The following ADGRL2 variants were observed in gnomAD, a reference collection of about 807,000 sequenced individuals.
The protein encoded by ADGRL2 is calcium-independent alpha-latrotoxin receptor 2.
ADGRL2 carries 44 observed loss-of-function variants against 157.4 expected under a neutral mutation model. That is an observed-to-expected ratio of 0.28 (90% CI 0.22 to 0.36). ADGRL2 has a LOEUF of 0.36. Among genes scored for constraint, ADGRL2 ranks in the 10% least tolerant of loss-of-function variants. ADGRL2 has a pLI of 1.00. For missense variants in ADGRL2, 1,510 were observed against 1,768.9 expected (o/e 0.85, Z 2.63); for synonymous variants, 585 against 624.7 (o/e 0.94, Z 0.95).
At chr1:81,603,018 G>C (rs1353174868) in intron 3 of ADGRL2, among the ~76,000 whole-genome samples, 1 of 152,118 alleles carries the variant, frequency 6.6e-6, no homozygotes, top group Non-Finnish European at 1.5e-5. Context: ...GATGGTAGAA[G>C]GTCAATGACT....
chr1:81,781,803 T>C (rs564341599), intron 2 of ADGRL2, among the ~76,000 whole-genome samples: 11 of 152,302 alleles, frequency 7.2e-5, no homozygotes, highest in African/African-American at 1.9e-4. Context: ...ACTGCCAGCA[T>C]TGAAAGACAC....
intron 3 of ADGRL2, among the ~76,000 whole-genome samples, chr1:81,616,977 C>T (rs1451886751): frequency 2.6e-5 from 4 of 152,138 alleles, no homozygotes; most frequent in African/African-American, 7.2e-5. Flanking sequence ...TGCGCCCAGC[C>T]GAGTTCTAGT....
At chr1:81,675,197 T>C (rs928645921) in intron 3 of ADGRL2, among the ~76,000 whole-genome samples, 6 of 152,198 alleles carry the variant, frequency 3.9e-5, no homozygotes, top group Non-Finnish European at 8.8e-5. Flanking sequence ...TTCCATCTAA[T>C]AGCCTGTTAC....
chr1:81,340,783 T>C (rs1176074935), intron 1 of ADGRL2, among the ~76,000 whole-genome samples: 3 of 151,900 alleles, frequency 2.0e-5, no homozygotes, highest in African/African-American at 7.3e-5. Context: ...TGCTCCAGTG[T>C]GAGTTAGTCT....
chr1:81,915,234 C>T (rs1264560598), intron 3 of ADGRL2, among the ~76,000 whole-genome samples: 1 of 152,054 alleles, frequency 6.6e-6, no homozygotes, highest in Non-Finnish European at 1.5e-5. Flanking sequence ...TGCCACCACA[C>T]CCAGCTAATT....
In ADGRL2 at chr1:81,968,092, T is replaced by C; in HGVS notation, c.2416T>C (p.Trp806Arg). 1 of 1,613,892 alleles carries C rather than the reference T, an allele frequency of 6.2e-7. No individual in the cohort carries two copies. Among genetic ancestry groups the C allele is most frequent in the Non-Finnish European group, 8.5e-7 (1 of 1,179,756 alleles). Reference protein sequence around the residue: ...NYSERTMMGYWSTQGCKLVDT... With the variant: ...NYSERTMMGYRSTQGCKLVDT... ...CTCAGAGAGAACTATGATGGGATATTGGTCTACCCAGGGCTGCAAGCTGGT... is the reference window on the plus strand; with the variant it reads ...CTCAGAGAGAACTATGATGGGATATCGGTCTACCCAGGGCTGCAAGCTGGT... Residue 806 changes from tryptophan to arginine, a missense_variant, in exon 14 of 24, where the codon TGG becomes CGG. Around this residue, in one of 4 missense-constraint regions of ADGRL2, gnomAD observed 497 missense variants for 627.2 expected, o/e 0.79. Transcript: ENST00000686636.
chr1:81,583,336 A>C (rs1238663088), intron 3 of ADGRL2, among the ~76,000 whole-genome samples: 1 of 152,142 alleles, frequency 6.6e-6, no homozygotes, highest in East Asian at 1.9e-4. Flanking sequence ...ATTTAATATA[A>C]CTTTTATACT....
intron 3 of ADGRL2, among the ~76,000 whole-genome samples, chr1:81,598,392 C>G (rs1047590730): frequency 6.6e-6 from 1 of 151,966 alleles, no homozygotes; most frequent in East Asian, 1.9e-4. Context: ...ATATATTAAG[C>G]GTGAAAAAAA....
intron 3 of ADGRL2, among the ~76,000 whole-genome samples, chr1:81,617,507 A>G (rs2081685259): frequency 6.6e-6 from 1 of 152,246 alleles, no homozygotes; most frequent in Admixed American, 6.5e-5. Flanking sequence ...AATTGCCAGC[A>G]GAGCTGCTTT....
At chr1:81,784,501 A>G (rs2086945959) in intron 2 of ADGRL2, among the ~76,000 whole-genome samples, 1 of 152,076 alleles carries the variant, frequency 6.6e-6, no homozygotes, top group South Asian at 2.1e-4. Flanking sequence ...GCCAAGGTAG[A>G]TGGATCACTT....
intron 2 of ADGRL2, among the ~76,000 whole-genome samples, chr1:81,901,106 T>G (rs936975486): frequency 2.0e-5 from 3 of 152,152 alleles, no homozygotes; most frequent in African/African-American, 7.2e-5. Flanking sequence ...TTAAAATGTA[T>G]AGTTTTCAAC....
rs544677891 is a variant in ADGRL2, at chr1:81,343,092, C to CTTT, written c.-302+36595_-302+36597dup. Among the ~76,000 whole-genome samples, 249 of 131,134 alleles carry CTTT rather than the reference C, an allele frequency of 1.9e-3. 7 individuals are homozygous for CTTT. In the South Asian group the frequency reaches 0.022, roughly 12 times the overall value. The allele number at this position is 131,134 out of a possible 152,430, so 86.0% of individuals were successfully genotyped here. A position where few individuals can be genotyped will look rare whatever the true frequency, so the allele number is the denominator to read the frequency against. On this transcript the variant is annotated intron_variant, in intron 1 of 24. Coordinates refer to the ADGRL2 transcript ENST00000370721. ...CTTTTCTTTTTTTCTTTTTTCTTTT[C>CTTT]TTTTTTTTTTTTTTGAGACAGAATC... is the stretch of plus-strand genomic sequence containing the variant.
intron 1 of ADGRL2, among the ~76,000 whole-genome samples, chr1:81,338,646 G>T (rs1161251529): frequency 3.9e-5 from 6 of 152,136 alleles, no homozygotes; most frequent in African/African-American, 9.7e-5. Context: ...AATAACAATT[G>T]TTAATAATTG....
chr1:81,797,539 T>C (rs1201544519), upstream of ADGRL2, among the ~76,000 whole-genome samples: 1 of 152,174 alleles, frequency 6.6e-6, no homozygotes, highest in Non-Finnish European at 1.5e-5. Context: ...GCAGTGAAAG[T>C]GATACTGTGT....
intron 2 of ADGRL2, among the ~76,000 whole-genome samples, chr1:81,575,227 A>G (rs775453352): frequency 2.2e-4 from 33 of 152,210 alleles, no homozygotes; most frequent in Non-Finnish European, 3.8e-4. Context: ...CAGGAGCTAT[A>G]GTAATTCTGC....
intron 2 of ADGRL2, among the ~76,000 whole-genome samples, chr1:81,785,720 C>T (rs1253840110): frequency 6.6e-6 from 1 of 151,648 alleles, no homozygotes; most frequent in Non-Finnish European, 1.5e-5. Flanking sequence ...AAAGTGAGAC[C>T]CCGTGTCTAA....
intron 3 of ADGRL2, among the ~76,000 whole-genome samples, chr1:81,658,941 G>A (rs1468079297): frequency 6.6e-6 from 1 of 151,638 alleles, no homozygotes; most frequent in Non-Finnish European, 1.5e-5. Context: ...TAGTAGAGAT[G>A]GGGTTTCATC....
chr1:81,362,328 T>C (rs1443467946), intron 1 of ADGRL2, among the ~76,000 whole-genome samples: 1 of 151,958 alleles, frequency 6.6e-6, no homozygotes, highest in Non-Finnish European at 1.5e-5. Context: ...TAAATCCTTG[T>C]TTCTCCCAAA....
intron 1 of ADGRL2, among the ~76,000 whole-genome samples, chr1:81,730,292 C>T (rs1333888808): frequency 1.3e-5 from 2 of 152,126 alleles, no homozygotes; most frequent in African/African-American, 4.8e-5. Flanking sequence ...CTGAAAATTG[C>T]TCCCATTCCT....
Sources: allele counts gnomAD v4.1 joint callset (sites outside exome capture counted in the v4.1 genomes callset), GRCh38; gene constraint gnomAD v4.1.1; regional missense constraint gnomAD v4.1.1; transcripts MANE v1.5; gene names NCBI Gene and HGNC (gene_info 2026-07-23, HGNC 2026-07-21).